SPTBN2: variants seen among roughly 807,000 people sequenced by gnomAD.
SPTBN2 encodes the protein spectrin beta, non-erythrocytic 2, also known as spectrin beta chain, non-erythrocytic 2.
Under a neutral mutation model 284.2 loss-of-function variants are expected in SPTBN2, and 107 were observed. That is an observed-to-expected ratio of 0.38 (90% CI 0.32 to 0.44). The LOEUF (loss-of-function observed/expected upper bound fraction) is 0.44. SPTBN2 is among the 20% of genes least tolerant of loss of function. The pLI is 1.00. For missense variants in SPTBN2, 2,569 were observed against 3,287.1 expected (o/e 0.78, Z 5.34); for synonymous variants, 1,289 against 1,354.8 (o/e 0.95, Z 1.07).
chr11:66,735,579 G>A (rs1942846074), intron 1 of SPTBN2, among the ~76,000 whole-genome samples: 1 of 152,126 alleles, frequency 6.6e-6, no homozygotes, highest in Non-Finnish European at 1.5e-5. Flanking sequence ...GGGCATGGTG[G>A]TGTATGCCTA....
Position 66,687,397 on chromosome 11 carries a change from C to G in SPTBN2, c.6722+30G>C, listed in dbSNP as rs571591306. The G allele has an allele frequency of 3.1e-6, 5 of 1,601,088 alleles. No homozygotes were observed. Among genetic ancestry groups the G allele is most frequent in the Admixed American group, 1.7e-5 (1 of 60,014 alleles). ...TGGGCAGAGGCTCTGGGGAAGTGCC[C>G]TCTGAGAGCAGGCTCCAGAGAGGCT... On this transcript the variant is annotated intron_variant, in intron 35 of 37. Transcript: ENST00000533211. This position sits in a 1 kb window ranked among gnomAD's most constrained non-coding sequence, Gnocchi z 5.2.
chr11:66,722,445 G>C (rs555168512), intron 1 of SPTBN2, among the ~76,000 whole-genome samples: 11 of 151,630 alleles, frequency 7.3e-5, no homozygotes, highest in African/African-American at 2.7e-4. Context: ...GTGTGGTGGT[G>C]GGTGCCTGTA....
chr11:66,735,857 T>C (rs1942848120), intron 1 of SPTBN2, among the ~76,000 whole-genome samples: 1 of 152,238 alleles, frequency 6.6e-6, no homozygotes, highest in Non-Finnish European at 1.5e-5. Context: ...GCTGACGAAC[T>C]AAGTTGAGAA....
In SPTBN2 at chr11:66,704,930, C is replaced by A. The variant is rs778931869; in HGVS notation, c.2346G>T (p.Thr782=). The A allele has an allele frequency of 6.2e-7, 1 of 1,611,376 alleles. No individual in the cohort carries two copies. The highest frequency in any genetic ancestry group is 8.5e-7 in the Non-Finnish European group (1 of 1,179,914). Residue 782 remains threonine (T), a synonymous_variant, in exon 15 of 38, where the codon ACG becomes ACT. Coordinates refer to ENST00000533211, the MANE Select transcript of SPTBN2 (RefSeq NM_006946.4). ...SPELGHDEFS[T]QALARQHRAL... Reference sequence around the variant, plus strand: ...CCCGATGCTGCCTGGCTAGAGCCTGCGTGGAGAACTCGTCGTGCCCCAGCT... The same window carrying A: ...CCCGATGCTGCCTGGCTAGAGCCTGAGTGGAGAACTCGTCGTGCCCCAGCT...
In SPTBN2 at chr11:66,694,289, C is replaced by T. The variant is rs1298141669; in HGVS notation, c.4353G>A (p.Gln1451=). 6.2e-7 allele frequency: 1 copy of T among 1,614,240 alleles called. No individual in the cohort carries two copies. Among genetic ancestry groups the T allele is most frequent in the Non-Finnish European group, 8.5e-7 (1 of 1,180,032 alleles). ...AIQAQAKALA[Q]EDQGAGEVER... is the part of the protein sequence containing the mutation. ...CCACCTCCCCTGCACCCTGGTCCTC[C>T]TGGGCCAGTGCTTTGGCCTGGGCCT... The change falls in exon 22 of 38, where the codon CAG becomes CAA. Residue 1451 remains glutamine, a synonymous_variant. Transcript: ENST00000533211.
intron 19 of SPTBN2, 100 bp downstream of exon 19, chr11:66,698,892 A>G: frequency 6.3e-7 from 1 of 1,599,588 alleles, no homozygotes; most frequent in Non-Finnish European, 8.5e-7. Flanking sequence ...AGAAGCCATG[A>G]AGGGGCTCAC....
intron 3 of SPTBN2, among the ~76,000 whole-genome samples, chr11:66,719,148 G>A (rs985675104): frequency 3.9e-5 from 6 of 152,262 alleles, no homozygotes; most frequent in African/African-American, 1.4e-4. Flanking sequence ...AGAGAAATCT[G>A]GAAACGAGGA....
At position 66,691,145 on chromosome 11, in the gene SPTBN2, C is replaced by G; in HGVS notation, c.5565+139G>C. ...CAGAGATGTTTTCTTGGAGCAATTTCCTCATCTCGAAATGGCCCTCGAAAG... is the reference window on the plus strand; with the variant it reads ...CAGAGATGTTTTCTTGGAGCAATTTGCTCATCTCGAAATGGCCCTCGAAAG... On this transcript the variant is annotated intron_variant, in intron 27 of 37. Transcript: ENST00000533211. The surrounding 1 kb of genome is among the most constrained non-coding windows in gnomAD (Gnocchi z 8.0). The G allele has an allele frequency of 3.1e-6, 4 of 1,278,626 alleles. No individual in the cohort carries two copies. Among genetic ancestry groups the G allele is most frequent in the Non-Finnish European group, 4.2e-6 (4 of 953,806 alleles). The allele number at this position is 1,278,626 out of a possible 1,614,324, so 79.2% of individuals were successfully genotyped here. A position where few individuals can be genotyped will look rare whatever the true frequency, so the allele number is the denominator to read the frequency against.
chr11:66,721,550 A>C (rs1476818562), intron 1 of SPTBN2, 110 bp from the exon 2 acceptor site: 6 of 441,590 alleles, frequency 1.4e-5, no homozygotes, highest in Admixed American at 6.9e-5. Context: ...CCAGAGAGGG[A>C]CGGGTTTGCG....
intron 20 of SPTBN2, among the ~76,000 whole-genome samples, chr11:66,697,900 A>G (rs797004223): frequency 2.0e-5 from 3 of 152,204 alleles, no homozygotes; most frequent in Admixed American, 1.3e-4. Flanking sequence ...GAACGAATGG[A>G]AACACTTGAA....
At chr11:66,729,341 G>A (rs1942753271), upstream of SPTBN2, 1 of 152,178 alleles carries the variant, frequency 6.6e-6, no homozygotes, top group African/African-American at 2.4e-5. Flanking sequence ...AGAGAACTCA[G>A]CTCAGAGATG....
chr11:66,686,080 C>A lies in SPTBN2; in HGVS notation c.6964G>T (p.Val2322Leu), dbSNP rs1940088485. Residue 2322 changes from valine to leucine, a missense_variant, in exon 38 of 38, where the codon GTG (valine) becomes TTG (leucine). Val to Leu is a conservative substitution (Grantham distance 32). Around this residue, in one of 6 missense-constraint regions of SPTBN2, gnomAD observed 1,130 missense variants for 1,317.3 expected, o/e 0.86. Transcript: ENST00000533211. ...GCTGTGGCAATGGCTGCATTCACCA[C>A]CCGTAGCCACGAGCTCATCTCTGCC... ...DEAEMSSWLR[V>L]VNAAIATASS... The A allele has an allele frequency of 6.2e-7, 1 of 1,613,780 alleles. No homozygotes were observed. The highest frequency in any genetic ancestry group is 2.2e-5 in the East Asian group (1 of 44,870).
At chr11:66,727,230 GAC>G (rs1466534123) in intron 1 of SPTBN2, among the ~76,000 whole-genome samples, 3 of 152,178 alleles carry the variant, frequency 2.0e-5, no homozygotes, top group Non-Finnish European at 4.4e-5. Flanking sequence ...CTCAAGCTAA[GAC>G]ACATATTTGG....
Position 66,700,449 on chromosome 11 carries a change from C to A in SPTBN2, c.3573+77G>T. ...CATTTTGCTAGCATGTCCTTCCTGC[C>A]CATCCTGCTCCTTCACATTTCCCCG... On this transcript the variant is annotated intron_variant, in intron 17 of 37. Transcript: ENST00000533211. This position sits in a 1 kb window ranked among gnomAD's most constrained non-coding sequence, Gnocchi z 6.6. 3 of 1,587,600 alleles carry A rather than the reference C, an allele frequency of 1.9e-6. No individual in the cohort carries two copies.
chr11:66,702,489 G>A (rs1941301273), intron 15 of SPTBN2, among the ~76,000 whole-genome samples: 1 of 152,040 alleles, frequency 6.6e-6, no homozygotes, highest in Admixed American at 6.5e-5. Flanking sequence ...TAATAGGGCA[G>A]GGTCTGCAAA....
At chr11:66,703,940 T>C (rs1479805461) in intron 15 of SPTBN2, among the ~76,000 whole-genome samples, 2 of 151,844 alleles carry the variant, frequency 1.3e-5, no homozygotes, top group South Asian at 2.1e-4. Flanking sequence ...AATAATATAT[T>C]GTAGGTAAGA....
In SPTBN2 at chr11:66,694,247, G is replaced by A. The variant is rs769505827; in HGVS notation, c.4395C>T (p.Ala1465=). 2.4e-5 allele frequency: 39 copies of A among 1,614,080 alleles called. No individual in the cohort carries two copies. In the Middle Eastern group the frequency reaches 5.0e-4, roughly 20 times the overall value. The change falls in exon 22 of 38, where the codon GCC becomes GCT. Residue 1465 remains alanine, a synonymous_variant. Coordinates refer to ENST00000533211, the MANE Select transcript of SPTBN2 (RefSeq NM_006946.4). The part of the protein sequence containing the change: ...GAGEVERTSR[A]VEEKFRALCQ... Reference sequence around the variant, plus strand: ...ACAAGGCCCTGAACTTCTCCTCCACGGCCCTCGAGGTTCTCTCCACCTCCC... The same window carrying A: ...ACAAGGCCCTGAACTTCTCCTCCACAGCCCTCGAGGTTCTCTCCACCTCCC...
Position 66,700,572 on chromosome 11 carries a change from C to T in SPTBN2, c.3527G>A (p.Gly1176Glu). The T allele has an allele frequency of 6.2e-7, 1 of 1,607,418 alleles. No homozygotes were observed. The highest frequency in any genetic ancestry group is 2.2e-5 in the East Asian group (1 of 44,874). The change falls in exon 17 of 38, where the codon GGA becomes GAA. Residue 1176 changes from glycine (G) to glutamate (E), a missense_variant. By Grantham distance (98) the Gly-to-Glu change is moderately conservative. Coordinates refer to ENST00000533211, the MANE Select transcript of SPTBN2 (RefSeq NM_006946.4). The surrounding 1 kb of genome is among the most constrained non-coding windows in gnomAD (Gnocchi z 6.6). ...GRLAQAHGFQ[G>E]FLRDARQAEG... ...AGCCTGACGAGCATCCCGCAGGAAT[C>T]CCTGGAAGCCGTGGGCCTGGGCCAG...
chr11:66,685,384 G>C lies in SPTBN2; in HGVS notation c.*487C>G, dbSNP rs564334420. ...TGGAGTTACAGGGTGGGGGTGGGGA[G>C]GGAGGGCTCCTGCGCCTCTGACTGT... On this transcript the variant is annotated 3_prime_UTR_variant, in exon 38 of 38. Transcript: ENST00000533211. This position sits in a 1 kb window ranked among gnomAD's most constrained non-coding sequence, Gnocchi z 4.4. 1.1e-5 allele frequency: 2 copies of C among 187,966 alleles called. No individual in the cohort carries two copies. The highest frequency in any genetic ancestry group is 2.0e-4 in the South Asian group (2 of 10,182). The allele number at this position is 187,966 out of a possible 1,614,324, so 11.6% of individuals were successfully genotyped here.
Sources: allele counts gnomAD v4.1 joint callset (sites outside exome capture counted in the v4.1 genomes callset), GRCh38; gene constraint gnomAD v4.1.1; regional missense constraint gnomAD v4.1.1; non-coding constraint Gnocchi (gnomAD v3.1); transcripts MANE v1.5; gene names NCBI Gene and HGNC (gene_info 2026-07-23, HGNC 2026-07-21).